The following ZFPM2 variants were observed in gnomAD, a reference collection of about 807,000 sequenced individuals.
ZFPM2 encodes zinc finger protein, FOG family member 2.
In ZFPM2, 20 loss-of-function variants were observed where a neutral mutation model predicts 98.6. The observed-to-expected ratio is 0.20, with a 90% CI of 0.14 to 0.29. The LOEUF (loss-of-function observed/expected upper bound fraction) is 0.29, where lower values mean the gene tolerates loss of function less well. Ranked by LOEUF, ZFPM2 falls within the 10% of genes least tolerant of loss-of-function variation. The pLI, the probability that ZFPM2 is intolerant of heterozygous loss-of-function variation, is 1.00. For missense variants in ZFPM2, 1,310 were observed against 1,388.6 expected, an observed-to-expected ratio of 0.94 and a Z score of 0.90; for synonymous variants, 518 against 502.7, an observed-to-expected ratio of 1.03 and a Z score of -0.41.
At chr8:105,527,558 G>A (rs1266194582) in intron 3 of ZFPM2, among the ~76,000 whole-genome samples, 1 of 152,186 alleles carries the variant, frequency 6.6e-6, no homozygotes, top group Non-Finnish European at 1.5e-5. Flanking sequence ...TCTTATTAAA[G>A]GGGCTCCAGC....
At chr8:105,335,517 G>A (rs984214833) in intron 1 of ZFPM2, among the ~76,000 whole-genome samples, 14 of 151,730 alleles carry the variant, frequency 9.2e-5, no homozygotes, top group African/African-American at 3.4e-4. Flanking sequence ...CTTGTGGTAT[G>A]TCTTGCCATC....
chr8:105,723,401 T>C (rs1811718448), intron 5 of ZFPM2, among the ~76,000 whole-genome samples: 1 of 151,876 alleles, frequency 6.6e-6, no homozygotes, highest in African/African-American at 2.4e-5. Context: ...TTCCATACAG[T>C]ACCATGTGAA....
At position 105,380,750 on chromosome 8, in the gene ZFPM2, T is replaced by A. The variant is rs866815792; in HGVS notation, c.41-38394T>A. ...TAACATATATATTATATATATATGT[T>A]ATATATAACATATATAATATATACA... On this transcript the variant is annotated intron_variant, in intron 1 of 7. Transcript: ENST00000407775. Among the ~76,000 whole-genome samples the A allele has an allele frequency of 6.1e-4, 28 of 45,986 alleles. 2 individuals are homozygous for A. Among genetic ancestry groups the A allele is most frequent in the African/African-American group, 2.5e-3 (23 of 9,382 alleles). 30.2% of individuals were successfully genotyped at this position (45,986 alleles called of 152,430 possible). A position where few individuals can be genotyped will look rare whatever the true frequency, so the allele number is the denominator to read the frequency against.
chr8:105,502,053 AT>A (rs1435486341), intron 3 of ZFPM2, among the ~76,000 whole-genome samples: 1 of 152,180 alleles, frequency 6.6e-6, no homozygotes, highest in Non-Finnish European at 1.5e-5. Context: ...AAAAGATGAC[AT>A]TAAATAAAAA....
intron 3 of ZFPM2, among the ~76,000 whole-genome samples, chr8:105,483,918 T>G (rs969810760): frequency 6.6e-6 from 1 of 151,804 alleles, no homozygotes; most frequent in East Asian, 2.0e-4. Context: ...GTATTTTTAG[T>G]AGAGAGTGGG....
chr8:105,380,119 G>C (rs919031629), intron 1 of ZFPM2, among the ~76,000 whole-genome samples: 1 of 152,094 alleles, frequency 6.6e-6, no homozygotes, highest in Non-Finnish European at 1.5e-5. Context: ...ATTGAATTTT[G>C]ATACAGATTT....
At chr8:105,582,717 C>T (rs1245328928) in intron 4 of ZFPM2, among the ~76,000 whole-genome samples, 2 of 152,110 alleles carry the variant, frequency 1.3e-5, no homozygotes, top group Non-Finnish European at 2.9e-5. Context: ...CCTCAGCCTC[C>T]TGAGTAGCTG....
At chr8:105,359,660 C>G (rs1007453776) in intron 1 of ZFPM2, among the ~76,000 whole-genome samples, 12 of 152,098 alleles carry the variant, frequency 7.9e-5, no homozygotes, top group African/African-American at 2.9e-4. Context: ...AGGCGTGAGC[C>G]ACCGCGCCCG....
intron 3 of ZFPM2, among the ~76,000 whole-genome samples, chr8:105,518,344 T>C (rs1336067558): frequency 6.6e-6 from 1 of 152,250 alleles, no homozygotes; most frequent in Non-Finnish European, 1.5e-5. Flanking sequence ...TTCATCATTT[T>C]AGCTCAGATG....
At chr8:105,340,639 A>T (rs1241982911) in intron 1 of ZFPM2, among the ~76,000 whole-genome samples, 2 of 151,862 alleles carry the variant, frequency 1.3e-5, no homozygotes, top group African/African-American at 4.8e-5. Flanking sequence ...CTAATTAATA[A>T]ATTTATTTTG....
chr8:105,565,310 A>G (rs1815221235), intron 4 of ZFPM2, among the ~76,000 whole-genome samples: 1 of 152,172 alleles, frequency 6.6e-6, no homozygotes, highest in Admixed American at 6.6e-5. Context: ...TATATAACAC[A>G]CTGAACATAG....
chr8:105,790,522 T>G (rs1813576683), intron 6 of ZFPM2, among the ~76,000 whole-genome samples: 1 of 151,902 alleles, frequency 6.6e-6, no homozygotes, highest in African/African-American at 2.4e-5. Flanking sequence ...TGAAGTCAGG[T>G]AGCGTGATGC....
intron 5 of ZFPM2, among the ~76,000 whole-genome samples, chr8:105,694,681 T>C (rs1041942750): frequency 3.3e-5 from 5 of 152,214 alleles, no homozygotes; most frequent in Non-Finnish European, 7.3e-5. Context: ...TGTCTTTAGG[T>C]CCTCCTTTCC....
At chr8:105,457,468 C>G (rs866647180) in intron 3 of ZFPM2, among the ~76,000 whole-genome samples, 26 of 152,114 alleles carry the variant, frequency 1.7e-4, no homozygotes, top group Admixed American at 2.0e-4. Flanking sequence ...CCTTCAAAAG[C>G]TCACAGTACA....
chr8:105,617,673 A>G (rs924911832), intron 4 of ZFPM2, among the ~76,000 whole-genome samples: 3 of 152,172 alleles, frequency 2.0e-5, no homozygotes, highest in African/African-American at 7.2e-5. Flanking sequence ...TCTGTTGACC[A>G]TGGTGTTGAG....
intron 5 of ZFPM2, among the ~76,000 whole-genome samples, chr8:105,719,291 A>T (rs1375340835): frequency 6.6e-6 from 1 of 151,942 alleles, no homozygotes; most frequent in African/African-American, 2.4e-5. Flanking sequence ...ATTACATGGC[A>T]GTTAGAATCA....
At chr8:105,556,378 A>G (rs551680153) in intron 3 of ZFPM2, among the ~76,000 whole-genome samples, 30 of 152,230 alleles carry the variant, frequency 2.0e-4, no homozygotes, top group African/African-American at 5.5e-4. Context: ...GAATTCTTCA[A>G]TTTCTTTTTG....
chr8:105,368,947 C>T (rs181189938), intron 1 of ZFPM2, among the ~76,000 whole-genome samples: 98 of 152,244 alleles, frequency 6.4e-4, no homozygotes, highest in African/African-American at 2.3e-3. Context: ...CTATGAGTCC[C>T]AGTGGTTCTC....
At chr8:105,697,493 G>A (rs547570038) in intron 5 of ZFPM2, among the ~76,000 whole-genome samples, 1 of 152,218 alleles carries the variant, frequency 6.6e-6, no homozygotes, top group East Asian at 1.9e-4. Context: ...CAATTGCTAT[G>A]AGGAGCAAAC....
Sources: gnomAD v4.1 joint callset for allele counts (sites outside exome capture counted in the v4.1 genomes callset) on GRCh38, gnomAD v4.1.1 for gene constraint, MANE v1.5 for transcripts, NCBI Gene and HGNC (gene_info 2026-07-23, HGNC 2026-07-21) for gene names.